LHFPL3: variants seen among roughly 807,000 people sequenced by gnomAD.
LHFPL3 encodes the protein LHFPL tetraspan subfamily member 3 protein.
Under a neutral mutation model 19.3 loss-of-function variants are expected in LHFPL3, and 5 were observed. That is an observed-to-expected ratio of 0.26 (90% CI 0.14 to 0.54). The LOEUF (loss-of-function observed/expected upper bound fraction) is 0.54. Among genes scored for constraint, LHFPL3 ranks in the 20% least tolerant of loss-of-function variants. The probability of loss-of-function intolerance (pLI) is 0.94; values close to 1 mark genes in which losing one functional copy is unlikely to be tolerated. For missense variants in LHFPL3, 249 were observed against 307.4 expected (o/e 0.81, Z 1.42); for synonymous variants, 133 against 126.2 (o/e 1.05, Z -0.36).
chr7:104,667,783 G>C, intron 1 of LHFPL3: 1 of 1,599,156 alleles, frequency 6.3e-7, no homozygotes, highest in Non-Finnish European at 8.5e-7. Flanking sequence ...AATAAGAAGG[G>C]GAAGACTATC....
chr7:104,476,791 A>G (rs1005846927), intron 1 of LHFPL3, among the ~76,000 whole-genome samples: 17 of 152,104 alleles, frequency 1.1e-4, no homozygotes, highest in African/African-American at 4.1e-4. Context: ...GCTAAATGAA[A>G]AAAAGAAATA....
At chr7:104,577,995 G>A (rs552444509) in intron 1 of LHFPL3, among the ~76,000 whole-genome samples, 5 of 152,274 alleles carry the variant, frequency 3.3e-5, no homozygotes, top group East Asian at 3.9e-4. Context: ...AAATTCTGTC[G>A]GTTTATCATC....
chr7:104,702,383 C>T (rs1446680141), intron 1 of LHFPL3, among the ~76,000 whole-genome samples: 3 of 152,062 alleles, frequency 2.0e-5, no homozygotes, highest in African/African-American at 7.2e-5. Context: ...CTGGTTCTTG[C>T]TCTTGTCACA....
At chr7:104,507,366 C>T (rs41047) in intron 1 of LHFPL3, among the ~76,000 whole-genome samples, 14,833 of 128,264 alleles carry the variant, frequency 0.12, 2,437 homozygotes, top group African/African-American at 0.32. Flanking sequence ...GAAAGGATTC[C>T]CTATTTAATA....
intron 1 of LHFPL3, among the ~76,000 whole-genome samples, chr7:104,663,215 G>T (rs1169378658): frequency 6.6e-6 from 1 of 152,112 alleles, no homozygotes; most frequent in East Asian, 1.9e-4. Flanking sequence ...ATGCTTTATG[G>T]GTTTTTAAAG....
chr7:104,577,717 A>G (rs546096729), intron 1 of LHFPL3, among the ~76,000 whole-genome samples: 72 of 152,314 alleles, frequency 4.7e-4, no homozygotes, highest in African/African-American at 1.6e-3. Flanking sequence ...ATGGCTAGGC[A>G]GGAGATGGAT....
At chr7:104,562,475 C>G (rs997232861) in intron 1 of LHFPL3, among the ~76,000 whole-genome samples, 1 of 152,196 alleles carries the variant, frequency 6.6e-6, no homozygotes, top group Non-Finnish European at 1.5e-5. Context: ...TTGATCGCAT[C>G]GGCTCCTGAG....
Position 104,769,633 on chromosome 7 carries a change from C to T in LHFPL3, c.682+32722C>T, listed in dbSNP as rs184707825. Among the ~76,000 whole-genome samples, 11 of 151,740 alleles carry T rather than the reference C, an allele frequency of 7.2e-5. No homozygotes were observed. In the East Asian group the frequency reaches 1.2e-3, roughly 16 times the overall value. On this transcript the variant is annotated intron_variant, in intron 2 of 2. Coordinates refer to ENST00000424859, the MANE Select transcript of LHFPL3 (RefSeq NM_199000.3). ...AGCCCCCCCAACCCCCGACAGGCCCCGGTGTGTGATGTTCCCCTCCCTGTG... is the reference window on the plus strand; with the variant it reads ...AGCCCCCCCAACCCCCGACAGGCCCTGGTGTGTGATGTTCCCCTCCCTGTG...
rs892344410 is a variant in LHFPL3 at position 104,586,894 on chromosome 7, T to C, written c.446-149781T>C. On this transcript the variant is annotated intron_variant, in intron 1 of 2. Coordinates refer to ENST00000424859, the MANE Select transcript of LHFPL3 (RefSeq NM_199000.3). ...GTCAATAGAGCTTTCTGGGAATATATGAAATGTTGAAAAGACCCTTCTTCC... is the reference window on the plus strand; with the variant it reads ...GTCAATAGAGCTTTCTGGGAATATACGAAATGTTGAAAAGACCCTTCTTCC... Among the ~76,000 whole-genome samples, 9 of 152,160 alleles carry C rather than the reference T, an allele frequency of 5.9e-5. 1 individual carries two copies. Among genetic ancestry groups the C allele is most frequent in the Non-Finnish European group, 1.3e-4 (9 of 68,022 alleles).
chr7:104,465,330 C>G (rs1792757041), intron 1 of LHFPL3, among the ~76,000 whole-genome samples: 1 of 152,204 alleles, frequency 6.6e-6, no homozygotes, highest in Admixed American at 6.5e-5. Flanking sequence ...CTGTCTTCTT[C>G]TGAGTCCTCC....
intron 1 of LHFPL3, among the ~76,000 whole-genome samples, chr7:104,650,858 A>G (rs932336221): frequency 1.2e-4 from 18 of 152,316 alleles, no homozygotes; most frequent in Middle Eastern, 3.4e-3. Flanking sequence ...CAAAATTTCT[A>G]TGGGGCATCA....
At chr7:104,586,098 C>T (rs1266945203) in intron 1 of LHFPL3, among the ~76,000 whole-genome samples, 1 of 151,920 alleles carries the variant, frequency 6.6e-6, no homozygotes, top group African/African-American at 2.4e-5. Context: ...ATTAGGATAT[C>T]AGAACGTCCA....
chr7:104,551,585 C>T lies in LHFPL3; in HGVS notation c.446-185090C>T, dbSNP rs145279765. On this transcript the variant is annotated intron_variant, in intron 1 of 2. Coordinates refer to ENST00000424859, the MANE Select transcript of LHFPL3 (RefSeq NM_199000.3). Reference sequence around the variant, plus strand: ...ACACAGAATAATTTATTCACAAATGCCTTCACTATATTATTTATTATAGTA... The same window carrying T: ...ACACAGAATAATTTATTCACAAATGTCTTCACTATATTATTTATTATAGTA... Among the ~76,000 whole-genome samples the T allele has an allele frequency of 9.6e-3, 1,467 of 152,124 alleles. 26 individuals are homozygous for T. Among genetic ancestry groups the T allele is most frequent in the Non-Finnish European group, 0.012 (835 of 68,004 alleles).
At chr7:104,567,301 A>G (rs1790141797) in intron 1 of LHFPL3, among the ~76,000 whole-genome samples, 1 of 152,228 alleles carries the variant, frequency 6.6e-6, no homozygotes, top group African/African-American at 2.4e-5. Context: ...TCATAGAGCC[A>G]TTTTAGGCCC....
At chr7:104,829,361 G>C (rs1016992827) in intron 2 of LHFPL3, among the ~76,000 whole-genome samples, 2 of 151,654 alleles carry the variant, frequency 1.3e-5, no homozygotes, top group Non-Finnish European at 2.9e-5. Context: ...TTAAGTTTTA[G>C]GGTACATGTG....
At chr7:104,435,846 A>G (rs1054060462) in intron 1 of LHFPL3, among the ~76,000 whole-genome samples, 12 of 152,038 alleles carry the variant, frequency 7.9e-5, no homozygotes, top group Admixed American at 7.9e-4. Flanking sequence ...GCTTTAATCT[A>G]GTAAGGCCAA....
intron 1 of LHFPL3, among the ~76,000 whole-genome samples, chr7:104,565,436 T>G (rs1438800277): frequency 6.6e-6 from 1 of 152,242 alleles, no homozygotes; most frequent in East Asian, 1.9e-4. Context: ...TAATCTGGTC[T>G]ATTAGTTAAA....
intron 2 of LHFPL3, among the ~76,000 whole-genome samples, chr7:104,902,326 G>T (rs1268303808): frequency 1.3e-5 from 2 of 152,004 alleles, no homozygotes; most frequent in African/African-American, 4.8e-5. Context: ...AGAGGCCACA[G>T]TGAGCTATGA....
chr7:104,521,258 T>G (rs567540874), intron 1 of LHFPL3, among the ~76,000 whole-genome samples: 1 of 152,148 alleles, frequency 6.6e-6, no homozygotes, highest in South Asian at 2.1e-4. Context: ...TTGAGTGGTT[T>G]TGAGTGAGAT....
Sources: allele counts gnomAD v4.1 joint callset (sites outside exome capture counted in the v4.1 genomes callset), GRCh38; gene constraint gnomAD v4.1.1; transcripts MANE v1.5; gene names NCBI Gene and HGNC (gene_info 2026-07-23, HGNC 2026-07-21).